The following BLTP3B variants were observed in gnomAD, a reference collection of about 807,000 sequenced individuals.
BLTP3B encodes bridge-like lipid transfer protein family member 3B, also known as UHRF1 (ICBP90) binding protein 1-like.
At chr12:100,040,037 T>G in the BLTP3B span, among the ~76,000 whole-genome samples, 1 of 127,862 alleles carries the variant, frequency 7.8e-6, no homozygotes, top group Non-Finnish European at 1.7e-5. Flanking sequence ...ACATAATTTA[T>G]TATGTTTTTA....
the BLTP3B span, among the ~76,000 whole-genome samples, chr12:100,038,996 T>C: frequency 6.6e-6 from 1 of 152,188 alleles, no homozygotes; most frequent in Non-Finnish European, 1.5e-5. Flanking sequence ...CTTGTCCCAC[T>C]AGACTTTGAG....
At chr12:100,131,950 C>T in the BLTP3B span, among the ~76,000 whole-genome samples, 24 of 152,098 alleles carry the variant, frequency 1.6e-4, no homozygotes, top group African/African-American at 5.6e-4. Flanking sequence ...CCACCATGCC[C>T]GGCTAATTTT....
the BLTP3B span, among the ~76,000 whole-genome samples, chr12:100,122,371 C>A: frequency 6.6e-6 from 1 of 152,166 alleles, no homozygotes; most frequent in Non-Finnish European, 1.5e-5. Flanking sequence ...TGCTGAAGGT[C>A]ACACTAAAGT....
chr12:100,069,900 T>A, the BLTP3B span: 1 of 998,982 alleles, frequency 1.0e-6, no homozygotes, highest in African/African-American at 1.7e-5. Flanking sequence ...GAATAAAATT[T>A]TTAAAAATTA....
the BLTP3B span, chr12:100,086,438 T>C: frequency 2.3e-6 from 2 of 872,362 alleles, no homozygotes; most frequent in South Asian, 3.6e-5. Context: ...AATTTTAGCA[T>C]ACTTGGAGTC....
the BLTP3B span, chr12:100,098,296 T>G: frequency 2.7e-6 from 4 of 1,498,090 alleles, no homozygotes; most frequent in African/African-American, 4.2e-5. Context: ...TTTTTAATCG[T>G]CCTCTTTTAC....
At chr12:100,060,712 G>C in the BLTP3B span, among the ~76,000 whole-genome samples, 4 of 152,108 alleles carry the variant, frequency 2.6e-5, no homozygotes, top group Admixed American at 6.5e-5. Context: ...TACAATTAGA[G>C]GGTATATCAC....
At chr12:100,091,396 G>A in the BLTP3B span, among the ~76,000 whole-genome samples, 2 of 151,548 alleles carry the variant, frequency 1.3e-5, no homozygotes, top group African/African-American at 4.9e-5. Context: ...CACCACGTTG[G>A]ACAGGCTGGT....
At chr12:100,092,929 T>A in the BLTP3B span, 1 of 985,414 alleles carries the variant, frequency 1.0e-6, no homozygotes, top group Non-Finnish European at 1.2e-6. Flanking sequence ...TCTACTTCCT[T>A]CTGCCTTCCC....
chr12:100,132,361 G>A, the BLTP3B span, among the ~76,000 whole-genome samples: 6 of 152,266 alleles, frequency 3.9e-5, no homozygotes, highest in East Asian at 1.9e-4. Flanking sequence ...GGGAGGTGGC[G>A]CCTAGTAGGT....
the BLTP3B span, among the ~76,000 whole-genome samples, chr12:100,090,269 C>A: frequency 1.3e-5 from 2 of 152,130 alleles, no homozygotes; most frequent in Non-Finnish European, 2.9e-5. Flanking sequence ...AGAAAGGAGA[C>A]AGGATTTATA....
the BLTP3B span, among the ~76,000 whole-genome samples, chr12:100,114,051 C>T: frequency 0.063 from 9,552 of 152,126 alleles, 329 homozygotes; most frequent in Middle Eastern, 0.14. Context: ...TTTTAGTCAC[C>T]TAGAAAGTAA....
At chr12:100,069,702 C>T in the BLTP3B span, among the ~76,000 whole-genome samples, 1 of 151,704 alleles carries the variant, frequency 6.6e-6, no homozygotes, top group Admixed American at 6.6e-5. Context: ...TTTGAGGACT[C>T]AGGGGGAAAG....
the BLTP3B span, chr12:100,058,075 C>A: frequency 6.2e-7 from 1 of 1,600,354 alleles, no homozygotes; most frequent in Non-Finnish European, 8.5e-7. Flanking sequence ...GGGGTCTCTT[C>A]TTTACTGATA....
At chr12:100,049,366 T>A in the BLTP3B span, among the ~76,000 whole-genome samples, 1 of 152,190 alleles carries the variant, frequency 6.6e-6, no homozygotes, top group African/African-American at 2.4e-5. Flanking sequence ...GATGGAGTTT[T>A]AAAAATTCAT....
the BLTP3B span, among the ~76,000 whole-genome samples, chr12:100,070,448 G>C: frequency 3.3e-5 from 5 of 151,884 alleles, no homozygotes; most frequent in Admixed American, 3.3e-4. Context: ...TAGTAGACGG[G>C]GTTTTACTAC....
At chr12:100,074,243 A>G in the BLTP3B span, among the ~76,000 whole-genome samples, 4 of 152,284 alleles carry the variant, frequency 2.6e-5, no homozygotes, top group Non-Finnish European at 5.9e-5. Flanking sequence ...AAGCCAAACA[A>G]CAACAACAAC....
the BLTP3B span, among the ~76,000 whole-genome samples, chr12:100,113,421 C>A: frequency 2.0e-5 from 3 of 151,976 alleles, no homozygotes; most frequent in African/African-American, 7.2e-5. Context: ...TGAGATTGCC[C>A]CACTGCACTC....
At chr12:100,083,707 G>T in the BLTP3B span, among the ~76,000 whole-genome samples, 2 of 150,390 alleles carry the variant, frequency 1.3e-5, no homozygotes, top group Non-Finnish European at 3.0e-5. Flanking sequence ...AAAAAAAGTA[G>T]TAGTATCACA....
Sources: allele counts gnomAD v4.1 joint callset (sites outside exome capture counted in the v4.1 genomes callset), GRCh38; gene constraint gnomAD v4.1.1; transcripts MANE v1.5; gene names NCBI Gene and HGNC (gene_info 2026-07-23, HGNC 2026-07-21).